Variants in ZNF304 observed in about 807,000 individuals in gnomAD.
The protein encoded by ZNF304 is KRAB-containing zinc finger protein.
ZNF304 carries 7 observed loss-of-function variants against 7.8 expected under a neutral mutation model. That is an observed-to-expected ratio of 0.90 (90% CI 0.51 to 1.69). The LOEUF (loss-of-function observed/expected upper bound fraction) is 1.69. Ranked by LOEUF, ZNF304 falls within the 40% of genes most tolerant of loss-of-function variation. The pLI is 0.00. For synonymous variants in ZNF304, 280 were observed against 272.4 expected (o/e 1.03, Z -0.27); for missense variants, 669 against 804.8 (o/e 0.83, Z 2.04).
intron 2 of ZNF304, among the ~76,000 whole-genome samples, chr19:57,355,772 G>A (rs991016553): frequency 2.0e-5 from 3 of 152,212 alleles, no homozygotes; most frequent in African/African-American, 7.2e-5. Flanking sequence ...AAACTCTCTT[G>A]CAGAGGAATC....
rs1010681526 is a variant in ZNF304, at chr19:57,351,286, C to G, written c.-379C>G. The G allele has an allele frequency of 4.0e-6, 1 of 247,272 alleles. No homozygotes were observed. Among genetic ancestry groups the G allele is most frequent in the African/African-American group, 2.3e-5 (1 of 43,822 alleles). 15.3% of individuals were successfully genotyped at this position (247,272 alleles called of 1,614,324 possible). ...CCGTCGTGACGTATTTTTCCTATGC[C>G]CGGTCCGTGCATTCTGGTTGTGAAG... On this transcript the variant is annotated 5_prime_UTR_variant, in exon 1 of 3. Transcript: ENST00000282286. The surrounding 1 kb of genome is among the most constrained non-coding windows in gnomAD (Gnocchi z 4.1).
intron 2 of ZNF304, chr19:57,355,415 T>C (rs1234778205): frequency 1.3e-6 from 1 of 761,552 alleles, no homozygotes; most frequent in Admixed American, 1.7e-5. Context: ...GAAGAGGGTA[T>C]CTGTTATGGT....
Position 57,351,297 on chromosome 19 carries a change from A to G in ZNF304, c.-368A>G. 1 of 267,346 alleles carries G rather than the reference A, an allele frequency of 3.7e-6. No homozygotes were observed. Among genetic ancestry groups the G allele is most frequent in the Non-Finnish European group, 7.2e-6 (1 of 139,630 alleles). 16.6% of individuals were successfully genotyped at this position (267,346 alleles called of 1,614,324 possible). A position where few individuals can be genotyped will look rare whatever the true frequency, so the allele number is the denominator to read the frequency against. On this transcript the variant is annotated 5_prime_UTR_variant, in exon 1 of 3. Coordinates refer to ENST00000282286, the MANE Select transcript of ZNF304 (RefSeq NM_020657.4). The surrounding 1 kb of genome is among the most constrained non-coding windows in gnomAD (Gnocchi z 4.1). ...TATTTTTCCTATGCCCGGTCCGTGC[A>G]TTCTGGTTGTGAAGGCTGAGTTCTA...
chr19:57,354,637 C>G (rs1160760505), intron 2 of ZNF304, among the ~76,000 whole-genome samples: 1 of 152,204 alleles, frequency 6.6e-6, no homozygotes, highest in African/African-American at 2.4e-5. Context: ...TTGCCATATT[C>G]TATTCCTTGG....
rs773886206 is a variant in ZNF304, at chr19:57,356,627, G to A, written c.758G>A (p.Cys253Tyr). The change falls in exon 3 of 3, where the codon TGC becomes TAC. Residue 253 changes from cysteine to tyrosine, a missense_variant. By Grantham distance (194) the Cys-to-Tyr change is radical. Coordinates refer to ENST00000282286, the MANE Select transcript of ZNF304 (RefSeq NM_020657.4). ...CATGCTGAGGTGAGACCCTTCAGAT[G>A]CCTACCATGTGGAAATGTGTTCAAG... ...MTHAEVRPFRCLPCGNVFKEK... is the reference protein window; with the variant it reads ...MTHAEVRPFRYLPCGNVFKEK... 2.5e-6 allele frequency: 4 copies of A among 1,614,052 alleles called. No individual in the cohort carries two copies. Among genetic ancestry groups the A allele is most frequent in the Non-Finnish European group, 3.4e-6 (4 of 1,180,040 alleles).
Position 57,351,731 on chromosome 19 carries a change from C to T in ZNF304, c.33+34C>T, listed in dbSNP as rs746933782. Reference sequence around the variant, plus strand: ...GGGCATCCCTCAAGCGCACCCCGGCCTGGTTGGTGTGTCCTGGGATGTTCG... The same window carrying T: ...GGGCATCCCTCAAGCGCACCCCGGCTTGGTTGGTGTGTCCTGGGATGTTCG... On this transcript the variant is annotated intron_variant, in intron 1 of 2. Coordinates refer to ENST00000282286, the MANE Select transcript of ZNF304 (RefSeq NM_020657.4). This position sits in a 1 kb window ranked among gnomAD's most constrained non-coding sequence, Gnocchi z 4.1. 5.0e-6 allele frequency: 8 copies of T among 1,601,778 alleles called. No individual in the cohort carries two copies. Among genetic ancestry groups the T allele is most frequent in the South Asian group, 4.5e-5 (4 of 89,062 alleles).
In ZNF304 at chr19:57,351,898, G is replaced by T. The variant is rs1600064011; in HGVS notation, c.33+201G>T. 7.1e-6 allele frequency: 4 copies of T among 565,878 alleles called. 1 individual carries two copies. The highest frequency in any genetic ancestry group is 7.0e-5 in the Admixed American group (2 of 28,524). The allele number at this position is 565,878 out of a possible 1,614,324, so 35.1% of individuals were successfully genotyped here. A position where few individuals can be genotyped will look rare whatever the true frequency, so the allele number is the denominator to read the frequency against. The stretch of plus-strand genomic sequence containing the variant: ...AATGCATGCATGGAGAGGAGAATGA[G>T]TTTGGGGAGTTCCGGGAACTCTCTG... On this transcript the variant is annotated intron_variant, in intron 1 of 2. Transcript: ENST00000282286. The surrounding 1 kb of genome is among the most constrained non-coding windows in gnomAD (Gnocchi z 4.1).
chr19:57,351,579 C>A lies in ZNF304; in HGVS notation c.-86C>A. On this transcript the variant is annotated 5_prime_UTR_variant, in exon 1 of 3. Transcript: ENST00000282286. The surrounding 1 kb of genome is among the most constrained non-coding windows in gnomAD (Gnocchi z 4.1). ...ACCGGGTAGATTGAGACTTGGAGTG[C>A]TACACTCAGCCCGAGGGCGTCCAGC... is the stretch of plus-strand genomic sequence containing the variant. 1 of 1,527,074 alleles carries A rather than the reference C, an allele frequency of 6.5e-7. No homozygotes were observed. Among genetic ancestry groups the A allele is most frequent in the Non-Finnish European group, 9.0e-7 (1 of 1,107,134 alleles). The allele number at this position is 1,527,074 out of a possible 1,614,324, so 94.6% of individuals were successfully genotyped here. A position where few individuals can be genotyped will look rare whatever the true frequency, so the allele number is the denominator to read the frequency against.
rs369435454 is a variant in ZNF304 at position 57,356,373 on chromosome 19, G to A, written c.504G>A (p.Thr168=). 2.7e-5 allele frequency: 43 copies of A among 1,614,064 alleles called. No homozygotes were observed. The highest frequency in any genetic ancestry group is 9.9e-5 in the South Asian group (9 of 91,090). ...CTVHMLGRSF[T]CREEGMDLPD... Reference sequence around the variant, plus strand: ...TCCACATGTTAGGGAGATCCTTTACGTGCAGGGAGGAAGGGATGGACTTAC... The same window carrying A: ...TCCACATGTTAGGGAGATCCTTTACATGCAGGGAGGAAGGGATGGACTTAC... Residue 168 remains threonine, a synonymous_variant, in exon 3 of 3, where the codon ACG becomes ACA. Transcript: ENST00000282286.
In ZNF304 at chr19:57,358,653, A is replaced by G. The variant is rs2088382691; in HGVS notation, c.*804A>G. On this transcript the variant is annotated 3_prime_UTR_variant, in exon 3 of 3. Transcript: ENST00000282286. ...GATGGCAGAAAACTGTTCTCAGTCT[A>G]GTTTGACCTAATTTACACTATTGCC... is the stretch of plus-strand genomic sequence containing the variant. 1 of 152,256 alleles carries G rather than the reference A, an allele frequency of 6.6e-6. No homozygotes were observed. The highest frequency in any genetic ancestry group is 1.5e-5 in the Non-Finnish European group (1 of 68,060). 9.4% of individuals were successfully genotyped at this position (152,256 alleles called of 1,614,324 possible).
chr19:57,354,416 T>C (rs572106467), intron 2 of ZNF304, among the ~76,000 whole-genome samples: 9 of 152,352 alleles, frequency 5.9e-5, no homozygotes, highest in African/African-American at 2.2e-4. Context: ...CTCACTCACA[T>C]TGCTTTTTGC....
In ZNF304 at chr19:57,351,444, C is replaced by T; in HGVS notation, c.-221C>T. ...TGACCCCTGTCGTGGGACGGGCGGC[C>T]TCTCGCGGAGGTGTCTGCCGGGGCT... On this transcript the variant is annotated 5_prime_UTR_variant, in exon 1 of 3. Coordinates refer to ENST00000282286, the MANE Select transcript of ZNF304 (RefSeq NM_020657.4). The surrounding 1 kb of genome is among the most constrained non-coding windows in gnomAD (Gnocchi z 4.1). 3 of 590,234 alleles carry T rather than the reference C, an allele frequency of 5.1e-6. No homozygotes were observed. The highest frequency in any genetic ancestry group is 9.0e-6 in the Non-Finnish European group (3 of 332,820). 36.6% of individuals were successfully genotyped at this position (590,234 alleles called of 1,614,324 possible).
intron 1 of ZNF304, chr19:57,352,563 G>A (rs1010732971): frequency 6.6e-6 from 1 of 152,210 alleles, no homozygotes; most frequent in Non-Finnish European, 1.5e-5. Flanking sequence ...GCTGGCCGAG[G>A]TGTCTTGAGT....
Position 57,357,819 on chromosome 19 carries a change from C to G in ZNF304, c.1950C>G (p.Gly650=), listed in dbSNP as rs2088368225. The G allele has an allele frequency of 1.2e-6, 2 of 1,604,018 alleles. No homozygotes were observed. Among genetic ancestry groups the G allele is most frequent in the Non-Finnish European group, 1.7e-6 (2 of 1,176,580 alleles). ...ERAHECNSFG[G]PLAASLKLV Reference sequence around the variant, plus strand: ...CTCACGAGTGCAACAGTTTTGGTGGCCCTTTAGCTGCATCTCTTAAACTTG... The same window carrying G: ...CTCACGAGTGCAACAGTTTTGGTGGGCCTTTAGCTGCATCTCTTAAACTTG... The change falls in exon 3 of 3, where the codon GGC becomes GGG. Residue 650 remains glycine (G), a synonymous_variant. Transcript: ENST00000282286.
chr19:57,356,867 G>T lies in ZNF304; in HGVS notation c.998G>T (p.Arg333Ile). 1 of 1,614,114 alleles carries T rather than the reference G, an allele frequency of 6.2e-7. No individual in the cohort carries two copies. The highest frequency in any genetic ancestry group is 8.5e-7 in the Non-Finnish European group (1 of 1,180,022). Reference protein sequence around the residue: ...VQHQRVHTGERSYDCSECGKA... With the variant: ...VQHQRVHTGEISYDCSECGKA... ...CATCAGAGAGTTCACACTGGAGAAA[G>T]ATCTTATGACTGCAGTGAATGTGGA... The change falls in exon 3 of 3, where the codon AGA becomes ATA. Residue 333 changes from arginine (R) to isoleucine (I), a missense_variant. Arg to Ile is a moderately conservative substitution (Grantham distance 97, BLOSUM62 -3). Coordinates refer to ENST00000282286, the MANE Select transcript of ZNF304 (RefSeq NM_020657.4).
chr19:57,353,981 G>C (rs150490516), intron 2 of ZNF304, 130 bp downstream of exon 2: 5 of 756,244 alleles, frequency 6.6e-6, no homozygotes, highest in African/African-American at 5.4e-5. Context: ...ATTTTTTGTT[G>C]TTTATTATTT....
rs1298696313 is a variant in ZNF304, at chr19:57,356,406, C to T, written c.537C>T (p.Ser179=). 2 of 1,614,034 alleles carry T rather than the reference C, an allele frequency of 1.2e-6. No individual in the cohort carries two copies. Among genetic ancestry groups the T allele is most frequent in the African/African-American group, 1.3e-5 (1 of 74,924 alleles). ...CREEGMDLPD[S]SGLFQHQTTY... ...AGGAAGGGATGGACTTACCAGATAG[C>T]TCTGGCCTTTTCCAGCACCAGACCA... Residue 179 remains serine (S), a synonymous_variant, in exon 3 of 3, where the codon AGC becomes AGT. Transcript: ENST00000282286.
chr19:57,356,249 C>T lies in ZNF304; in HGVS notation c.380C>T (p.Ser127Leu), dbSNP rs553719465. 3.2e-5 allele frequency: 52 copies of T among 1,614,186 alleles called. No individual in the cohort carries two copies. In the South Asian group the frequency reaches 4.7e-4, roughly 15 times the overall value. ...CGTGGGCTGTGTAGGAGAAGATTCTCGTTCAGTGCAAACTTTTACCAGCAC... is the reference window on the plus strand; with the variant it reads ...CGTGGGCTGTGTAGGAGAAGATTCTTGTTCAGTGCAAACTTTTACCAGCAC... ...CTRGLCRRRF[S>L]FSANFYQHQK... Residue 127 changes from serine to leucine, a missense_variant, in exon 3 of 3, where the codon TCG becomes TTG. Transcript: ENST00000282286.
chr19:57,355,262 G>A, intron 2 of ZNF304: 2 of 765,078 alleles, frequency 2.6e-6, no homozygotes, highest in Non-Finnish European at 4.8e-6. Flanking sequence ...CCCTTTGTTT[G>A]CGTTACAGCT....
Sources: gnomAD v4.1 joint callset for allele counts (sites outside exome capture counted in the v4.1 genomes callset) on GRCh38, gnomAD v4.1.1 for gene constraint, Gnocchi (gnomAD v3.1) non-coding constraint, MANE v1.5 for transcripts, NCBI Gene and HGNC (gene_info 2026-07-23, HGNC 2026-07-21) for gene names.